Variants in ZNF721 observed in about 807,000 individuals in gnomAD.
ZNF721 encodes zinc finger protein 721.
ZNF721 carries 2 observed loss-of-function variants against 2.4 expected under a neutral mutation model. The ratio of observed to expected loss-of-function variants is 0.82; its 90% CI spans 0.34 to 2.58. The LOEUF (loss-of-function observed/expected upper bound fraction) is 2.58. Among genes scored for constraint, ZNF721 ranks in the 30% most tolerant of loss-of-function variants. ZNF721 has a pLI of 0.11. For synonymous variants in ZNF721, 398 were observed against 381.8 expected, an observed-to-expected ratio of 1.04 and a Z score of -0.50; for missense variants, 1,187 against 1,085.5, an observed-to-expected ratio of 1.09 and a Z score of -1.31.
At chr4:449,324 A>G (rs781818831) in intron 2 of ZNF721, among the ~76,000 whole-genome samples, 3 of 152,172 alleles carry the variant, frequency 2.0e-5, no homozygotes, top group Admixed American at 6.5e-5. Flanking sequence ...AGATTTTCCA[A>G]TAACATTTTT....
chr4:466,129 A>G (rs1164714310), intron 2 of ZNF721, among the ~76,000 whole-genome samples: 1 of 151,924 alleles, frequency 6.6e-6, no homozygotes, highest in Non-Finnish European at 1.5e-5. Flanking sequence ...CAGTTATTAA[A>G]AGAAAACTGC....
At chr4:488,143 C>A (rs1715941080) in intron 1 of ZNF721, among the ~76,000 whole-genome samples, 1 of 152,194 alleles carries the variant, frequency 6.6e-6, no homozygotes, top group Non-Finnish European at 1.5e-5. Context: ...GGGGCCCACA[C>A]CCACCCTGTG....
chr4:490,906 A>T (rs192344845), intron 1 of ZNF721, among the ~76,000 whole-genome samples: 2 of 151,458 alleles, frequency 1.3e-5, no homozygotes, highest in Admixed American at 1.3e-4. Flanking sequence ...GTGAGCCAAG[A>T]TGGCGCCACT....
intron 1 of ZNF721, among the ~76,000 whole-genome samples, chr4:494,183 CTTTT>C (rs1307037522): frequency 1.4e-5 from 2 of 141,654 alleles, no homozygotes; most frequent in Non-Finnish European, 1.6e-5. Flanking sequence ...GGAAGTACAT[CTTTT>C]TTTTTTTTTT....
chr4:472,460 G>A, intron 2 of ZNF721, 115 bp downstream of exon 2: 2 of 1,123,826 alleles, frequency 1.8e-6, no homozygotes, highest in Non-Finnish European at 2.5e-6. Context: ...AACTTACATA[G>A]CTGTGTGTGT....
At chr4:484,818 C>A (rs1488038383) in intron 1 of ZNF721, among the ~76,000 whole-genome samples, 1 of 152,212 alleles carries the variant, frequency 6.6e-6, no homozygotes, top group African/African-American at 2.4e-5. Flanking sequence ...CCTGCCTCCA[C>A]TTGCCTTGTG....
At chr4:445,451 G>A (rs1714441730) in intron 2 of ZNF721, among the ~76,000 whole-genome samples, 1 of 152,090 alleles carries the variant, frequency 6.6e-6, no homozygotes, top group Non-Finnish European at 1.5e-5. Flanking sequence ...AATAAAGATT[G>A]TGACAAATAG....
At chr4:459,515 G>C (rs1397244779) in intron 2 of ZNF721, among the ~76,000 whole-genome samples, 3 of 151,788 alleles carry the variant, frequency 2.0e-5, no homozygotes, top group Non-Finnish European at 4.4e-5. Context: ...TGATAAAACA[G>C]ACTTTAAACC....
Position 443,534 on chromosome 4 carries a change from G to C in ZNF721, c.933C>G (p.Gly311=). The C allele has an allele frequency of 6.2e-7, 1 of 1,613,920 alleles. No homozygotes were observed. The highest frequency in any genetic ancestry group is 8.5e-7 in the Non-Finnish European group (1 of 1,179,964). ...GGTTTGCGGACTGTCTAAAGGCTTT[G>C]CCACATACTTCACATGTGTAGGGTT... ...GEKPYTCEVC[G]KAFRQSANLY... The change falls in exon 3 of 3, where the codon GGC becomes GGG. Residue 311 remains glycine (G), a synonymous_variant. Coordinates refer to ENST00000511833, the MANE Select transcript of ZNF721 (RefSeq NM_133474.4).
At chr4:498,215 G>GAAA (rs797042296) in intron 1 of ZNF721, among the ~76,000 whole-genome samples, 1,349 of 83,606 alleles carry the variant, frequency 0.016, no homozygotes, top group Non-Finnish European at 0.022. Context: ...AAAAGAAAAA[G>GAAA]AAAAAAAAAA....
At chr4:479,438 T>C (rs1469851066) in intron 1 of ZNF721, among the ~76,000 whole-genome samples, 3 of 152,170 alleles carry the variant, frequency 2.0e-5, no homozygotes, top group Admixed American at 6.5e-5. Context: ...CATGGATCCC[T>C]AGAGGCACAG....
At chr4:492,737 T>C (rs1174930044) in intron 1 of ZNF721, among the ~76,000 whole-genome samples, 7 of 150,896 alleles carry the variant, frequency 4.6e-5, no homozygotes, top group Admixed American at 2.0e-4. Context: ...AGGTCTAAAT[T>C]TACTATACAA....
intron 2 of ZNF721, among the ~76,000 whole-genome samples, chr4:461,662 C>T (rs1337451453): frequency 6.6e-6 from 1 of 152,132 alleles, no homozygotes; most frequent in African/African-American, 2.4e-5. Flanking sequence ...CACTTGAGGT[C>T]AGGAGTTCAA....
At chr4:490,093 C>T (rs1231918513) in intron 1 of ZNF721, among the ~76,000 whole-genome samples, 4 of 151,852 alleles carry the variant, frequency 2.6e-5, no homozygotes, top group Admixed American at 6.6e-5. Flanking sequence ...CCCCTGACCT[C>T]GTGATCCACC....
chr4:473,154 A>C (rs1268105150), intron 1 of ZNF721, among the ~76,000 whole-genome samples: 8 of 152,184 alleles, frequency 5.3e-5, no homozygotes, highest in Non-Finnish European at 7.3e-5. Flanking sequence ...AGAGTCACTT[A>C]GCTAAGCACT....
At chr4:477,683 G>T (rs1187223610) in intron 1 of ZNF721, among the ~76,000 whole-genome samples, 1 of 152,052 alleles carries the variant, frequency 6.6e-6, no homozygotes, top group Non-Finnish European at 1.5e-5. Context: ...AAGAGCCCCT[G>T]GGGAAAGAAA....
At chr4:482,697 A>G (rs535286405) in intron 1 of ZNF721, among the ~76,000 whole-genome samples, 226 of 150,598 alleles carry the variant, frequency 1.5e-3, no homozygotes, top group African/African-American at 5.4e-3. Flanking sequence ...GGGTTTCACC[A>G]TGTTGGCCAG....
At chr4:467,942 C>T (rs1307116550) in intron 2 of ZNF721, among the ~76,000 whole-genome samples, 1 of 151,240 alleles carries the variant, frequency 6.6e-6, no homozygotes, top group Non-Finnish European at 1.5e-5. Context: ...CAAGACCAGC[C>T]TGGCTAACAC....
chr4:484,148 C>G (rs1560242765), intron 1 of ZNF721, among the ~76,000 whole-genome samples: 1 of 152,168 alleles, frequency 6.6e-6, no homozygotes, highest in African/African-American at 2.4e-5. Context: ...ATTTCTTATG[C>G]CTGTCTTTAC....
Sources: allele counts gnomAD v4.1 joint callset (sites outside exome capture counted in the v4.1 genomes callset), GRCh38; gene constraint gnomAD v4.1.1; transcripts MANE v1.5; gene names NCBI Gene and HGNC (gene_info 2026-07-23, HGNC 2026-07-21).